SLC12A9: variants seen among roughly 807,000 people sequenced by gnomAD.
The protein encoded by SLC12A9 is solute carrier family 12 member 9, also known as CCC-interacting protein 1.
SLC12A9 carries 55 observed loss-of-function variants against 66.0 expected under a neutral mutation model. The observed-to-expected ratio is 0.83, with a 90% CI of 0.67 to 1.04. The LOEUF (loss-of-function observed/expected upper bound fraction) is 1.04, where lower values mean the gene tolerates loss of function less well. Among genes scored for constraint, SLC12A9 ranks in the 50% least tolerant of loss-of-function variants. The probability of loss-of-function intolerance (pLI) is 0.00; values close to 1 mark genes in which losing one functional copy is unlikely to be tolerated. For synonymous variants in SLC12A9, 577 were observed against 569.0 expected, an observed-to-expected ratio of 1.01 and a Z score of -0.20; for missense variants, 1,061 against 1,241.9, an observed-to-expected ratio of 0.85 and a Z score of 2.19.
chr7:100,828,551 C>CAAAAAAAA (rs34743877), intron 1 of SLC12A9, among the ~76,000 whole-genome samples: 3 of 40,648 alleles, frequency 7.4e-5, no homozygotes, highest in Admixed American at 3.2e-4. Flanking sequence ...GACGAAATCT[C>CAAAAAAAA]AAAAAAAAAA....
chr7:100,848,873 T>A (rs758104890), upstream of SLC12A9, among the ~76,000 whole-genome samples: 7 of 150,026 alleles, frequency 4.7e-5, no homozygotes, highest in Admixed American at 2.0e-4. Context: ...GTGACAGAGC[T>A]AGACTCCATC....
chr7:100,833,513 CAAAAA>C (rs377751865), intron 1 of SLC12A9, among the ~76,000 whole-genome samples: 2 of 143,718 alleles, frequency 1.4e-5, no homozygotes, highest in African/African-American at 2.6e-5. Flanking sequence ...CAAAACAAAA[CAAAAA>C]AAAACAGACA....
intron 5 of SLC12A9, 122 bp downstream of exon 5, chr7:100,857,298 C>A: frequency 8.9e-7 from 1 of 1,122,538 alleles, no homozygotes. Flanking sequence ...GAGGTCTGGA[C>A]TGCAGAGCAG....
At chr7:100,864,006 C>T (rs1047677332) in intron 13 of SLC12A9, among the ~76,000 whole-genome samples, 1 of 151,658 alleles carries the variant, frequency 6.6e-6, no homozygotes, top group Admixed American at 6.6e-5. Context: ...GCAGAGACCA[C>T]AATGCTTATG....
At chr7:100,840,196 C>T (rs1022467701) in intron 1 of SLC12A9, among the ~76,000 whole-genome samples, 3 of 144,262 alleles carry the variant, frequency 2.1e-5, no homozygotes, top group Admixed American at 6.7e-5. Flanking sequence ...TTGTGGTGTG[C>T]GTGTGGTGTG....
chr7:100,830,485 A>G (rs35721634), intron 1 of SLC12A9, among the ~76,000 whole-genome samples: 10 of 152,056 alleles, frequency 6.6e-5, no homozygotes, highest in African/African-American at 2.4e-4. Context: ...GGCAGCCTGA[A>G]CAACATAGCG....
chr7:100,855,565 A>C, intron 3 of SLC12A9, 141 bp from the exon 4 acceptor site: 1 of 1,010,474 alleles, frequency 9.9e-7, no homozygotes, highest in South Asian at 1.5e-5. Flanking sequence ...AGAAACTGGC[A>C]CTCAGAGGAT....
At position 100,861,996 on chromosome 7, in the gene SLC12A9, G is replaced by A. The variant is rs1346421989; in HGVS notation, c.1711+85G>A. 7.2e-6 allele frequency: 10 copies of A among 1,396,064 alleles called. No individual in the cohort carries two copies. The highest frequency in any genetic ancestry group is 9.5e-6 in the Non-Finnish European group (10 of 1,051,646). The allele number at this position is 1,396,064 out of a possible 1,614,324, so 86.5% of individuals were successfully genotyped here. A position where few individuals can be genotyped will look rare whatever the true frequency, so the allele number is the denominator to read the frequency against. ...TTTTTTTGAGATGGAGCTTCGTTCT[G>A]TTGCCCAGGCTGGAGTGCAGTGGGA... On this transcript the variant is annotated intron_variant, in intron 12 of 13. Coordinates refer to ENST00000354161, the MANE Select transcript of SLC12A9 (RefSeq NM_020246.4). The surrounding 1 kb of genome is among the most constrained non-coding windows in gnomAD (Gnocchi z 5.3).
intron 1 of SLC12A9, among the ~76,000 whole-genome samples, chr7:100,846,819 A>C (rs1240646375): frequency 6.6e-6 from 1 of 152,188 alleles, no homozygotes; most frequent in East Asian, 1.9e-4. Flanking sequence ...AAAATCCACA[A>C]GCAGACAGCC....
At chr7:100,840,940 C>T (rs543885211) in intron 1 of SLC12A9, among the ~76,000 whole-genome samples, 3 of 151,862 alleles carry the variant, frequency 2.0e-5, no homozygotes, top group South Asian at 2.1e-4. Context: ...CCCAGTGACC[C>T]GCGGATGGCC....
In SLC12A9 at chr7:100,859,162, G is replaced by C. The variant is rs748548640; in HGVS notation, c.977+1G>C. 59 of 1,613,718 alleles carry C rather than the reference G, an allele frequency of 3.7e-5. No individual in the cohort carries two copies. Among genetic ancestry groups the C allele is most frequent in the Non-Finnish European group, 4.8e-5 (57 of 1,179,836 alleles). On this transcript the variant is annotated splice_donor_variant, in intron 7 of 13. Transcript: ENST00000354161. LOFTEE classifies it high-confidence loss of function. ...TTCTCTCCAGCTTCACTTGTGACAG[G>C]TGTCTGGGGAGGGATGGGGGTGGAG...
chr7:100,839,483 G>T (rs1419759941), intron 1 of SLC12A9, among the ~76,000 whole-genome samples: 2 of 152,242 alleles, frequency 1.3e-5, no homozygotes, highest in Non-Finnish European at 2.9e-5. Context: ...CCCTGATGGG[G>T]AAGCGAGGTG....
At chr7:100,828,694 G>GGGCTGC (rs1315852501) in intron 1 of SLC12A9, among the ~76,000 whole-genome samples, 80 of 152,254 alleles carry the variant, frequency 5.3e-4, no homozygotes, top group Non-Finnish European at 7.8e-4. Flanking sequence ...CCTGAGGCTG[G>GGGCTGC]GGCTGCGGCT....
intron 3 of SLC12A9, among the ~76,000 whole-genome samples, chr7:100,855,169 C>G (rs1293949709): frequency 6.6e-6 from 1 of 152,198 alleles, no homozygotes; most frequent in Non-Finnish European, 1.5e-5. Context: ...GACTCCCAGG[C>G]TGCAGTGCAG....
At chr7:100,864,105 G>T (rs1423512108) in intron 13 of SLC12A9, among the ~76,000 whole-genome samples, 1 of 138,472 alleles carries the variant, frequency 7.2e-6, no homozygotes, top group Non-Finnish European at 1.5e-5. Flanking sequence ...TTTGGACAGG[G>T]TCTCACTCTG....
chr7:100,857,078 G>A lies in SLC12A9; in HGVS notation c.659G>A (p.Arg220His), dbSNP rs150811167. The A allele has an allele frequency of 1.4e-5, 22 of 1,614,154 alleles. No individual in the cohort carries two copies. The highest frequency in any genetic ancestry group is 1.6e-4 in the Middle Eastern group (1 of 6,062). ...GTGGCTGTGGGGCCGAGGGACATCCGCTTGACTCCTAGGCCTGGCCCCAAT... is the reference window on the plus strand; with the variant it reads ...GTGGCTGTGGGGCCGAGGGACATCCACTTGACTCCTAGGCCTGGCCCCAAT... ...SFVAVGPRDI[R>H]LTPRPGPNGS... The change falls in exon 5 of 14, where the codon CGC becomes CAC. Residue 220 changes from arginine (R) to histidine (H), a missense_variant. Arg to His is a conservative substitution (Grantham distance 29, BLOSUM62 0). Transcript: ENST00000354161.
intron 1 of SLC12A9, among the ~76,000 whole-genome samples, chr7:100,828,632 ACT>A (rs143507885): frequency 0.016 from 2,414 of 148,196 alleles, 55 homozygotes; most frequent in African/African-American, 0.058. Flanking sequence ...CGCCCTTCTC[ACT>A]CTCACTCTCG....
intron 13 of SLC12A9, among the ~76,000 whole-genome samples, chr7:100,863,617 C>T (rs1443957912): frequency 6.6e-6 from 1 of 152,148 alleles, no homozygotes; most frequent in Non-Finnish European, 1.5e-5. Context: ...GTCTCCCCTG[C>T]CCCCGCCACC....
chr7:100,849,188 A>T (rs1814001915), upstream of SLC12A9, among the ~76,000 whole-genome samples: 1 of 151,624 alleles, frequency 6.6e-6, no homozygotes, highest in African/African-American at 2.4e-5. Flanking sequence ...CGGCCTCCCA[A>T]AGTGCTGGGA....
Sources: allele counts gnomAD v4.1 joint callset (sites outside exome capture counted in the v4.1 genomes callset), GRCh38; gene constraint gnomAD v4.1.1; non-coding constraint Gnocchi (gnomAD v3.1); transcripts MANE v1.5; gene names NCBI Gene and HGNC (gene_info 2026-07-23, HGNC 2026-07-21).